The following COL4A3 variants were observed in gnomAD, a reference collection of about 807,000 sequenced individuals.
COL4A3 encodes collagen type IV alpha 3 chain, also known as collagen alpha-3(IV) chain.
COL4A3 carries 135 observed loss-of-function variants against 217.4 expected under a neutral mutation model. That is an observed-to-expected ratio of 0.62 (90% CI 0.54 to 0.72). The LOEUF (loss-of-function observed/expected upper bound fraction) is 0.72. COL4A3 is among the 30% of genes least tolerant of loss of function. The pLI is 0.00. For synonymous variants in COL4A3, 690 were observed against 736.3 expected, an observed-to-expected ratio of 0.94 and a Z score of 1.02; for missense variants, 1,868 against 2,119.9, an observed-to-expected ratio of 0.88 and a Z score of 2.33.
At chr2:227,223,469 C>T (rs2067918086) in intron 1 of COL4A3, among the ~76,000 whole-genome samples, 2 of 152,180 alleles carry the variant, frequency 1.3e-5, no homozygotes, top group Admixed American at 6.5e-5. Context: ...CACAGTGGCT[C>T]ATGCCTATAA....
chr2:227,168,399 T>C (rs1304537966), intron 1 of COL4A3, among the ~76,000 whole-genome samples: 2 of 152,234 alleles, frequency 1.3e-5, no homozygotes, highest in Non-Finnish European at 2.9e-5. Context: ...GTTTGTAAAC[T>C]TTTTTCTTTT....
rs774954940 is a variant in COL4A3, at chr2:227,250,005, C to A, written c.547-1135C>A. On this transcript the variant is annotated intron_variant, in intron 9 of 51. Coordinates refer to ENST00000396578, the MANE Select transcript of COL4A3 (RefSeq NM_000091.5). This position sits in a 1 kb window ranked among gnomAD's most constrained non-coding sequence, Gnocchi z 4.1. ...TCTAGGCTCTAGGAATACAGTAGGG[C>A]ATAAATCAGCCAAAATATAGATTTA... is the stretch of plus-strand genomic sequence containing the variant. 1.8e-4 allele frequency among the ~76,000 whole-genome samples: 27 copies of A among 152,106 alleles called. No homozygotes were observed. Among genetic ancestry groups the A allele is most frequent in the Non-Finnish European group, 3.1e-4 (21 of 68,018 alleles).
chr2:227,224,074 G>A (rs945137885), intron 1 of COL4A3, among the ~76,000 whole-genome samples: 9 of 152,198 alleles, frequency 5.9e-5, no homozygotes, highest in African/African-American at 2.2e-4. Context: ...AAGTTTGCAC[G>A]CAATCGCTCC....
chr2:227,273,484 A>T (rs2071366535), intron 26 of COL4A3, among the ~76,000 whole-genome samples: 1 of 152,170 alleles, frequency 6.6e-6, no homozygotes, highest in South Asian at 2.1e-4. Flanking sequence ...AGTTTACTGC[A>T]TCCTCAAACT....
chr2:227,179,781 A>G (rs2065810502), intron 1 of COL4A3, among the ~76,000 whole-genome samples: 1 of 152,336 alleles, frequency 6.6e-6, no homozygotes, highest in African/African-American at 2.4e-5. Flanking sequence ...GGAGTATGCA[A>G]TCAAGTGATG....
chr2:227,305,035 C>A lies in COL4A3; in HGVS notation c.4204C>A (p.Pro1402Thr), dbSNP rs199548916. 2.5e-6 allele frequency: 4 copies of A among 1,613,990 alleles called. No homozygotes were observed. Among genetic ancestry groups the A allele is most frequent in the South Asian group, 1.1e-5 (1 of 91,058 alleles). The change falls in exon 47 of 52, where the codon CCT becomes ACT. Residue 1402 changes from proline to threonine, a missense_variant. Transcript: ENST00000396578. ...AGGCAAGGATGGAAAACCAGGAACT[C>A]CTGGACCAGCTGGAGAAAAAGGCAA... The part of the protein sequence containing the change: ...KPGKDGKPGT[P>T]GPAGEKGNKG...
At chr2:227,305,332 T>C (rs771446732) in intron 47 of COL4A3, 27 of 462,142 alleles carry the variant, frequency 5.8e-5, no homozygotes, top group Non-Finnish European at 1.0e-4. Context: ...TGAGGACAAA[T>C]AGAACTAATA....
chr2:227,298,593 G>T (rs2073136996), intron 42 of COL4A3, 89 bp from the exon 43 acceptor site: 6 of 1,546,110 alleles, frequency 3.9e-6, no homozygotes, highest in Non-Finnish European at 5.3e-6. Flanking sequence ...CTAAGTGAAG[G>T]GTTTATACTT....
chr2:227,235,772 CTTT>C (rs201024233), intron 1 of COL4A3, among the ~76,000 whole-genome samples: 23,638 of 122,268 alleles, frequency 0.19, 2,345 homozygotes, highest in Non-Finnish European at 0.23. Flanking sequence ...TATTTCATTC[CTTT>C]TTTTTTTTTT....
At chr2:227,181,655 G>A (rs376618353) in intron 1 of COL4A3, among the ~76,000 whole-genome samples, 48 of 152,210 alleles carry the variant, frequency 3.2e-4, no homozygotes, top group Middle Eastern at 3.4e-3. Flanking sequence ...ATGGTATTAC[G>A]TATCCGGCTT....
At chr2:227,283,938 TTG>T in intron 33 of COL4A3, 82 bp downstream of exon 33, 1 of 1,281,880 alleles carries the variant, frequency 7.8e-7, no homozygotes, top group South Asian at 1.2e-5. Context: ...TTATGTTTCA[TTG>T]GAGGGAAAAA....
intron 1 of COL4A3, among the ~76,000 whole-genome samples, chr2:227,223,900 A>G (rs892168131): frequency 2.6e-5 from 4 of 152,198 alleles, no homozygotes; most frequent in African/African-American, 9.7e-5. Context: ...GATGTTTTGC[A>G]TAGCAGTGAG....
At chr2:227,202,925 G>A (rs868052259) in intron 1 of COL4A3, among the ~76,000 whole-genome samples, 3 of 23,184 alleles carry the variant, frequency 1.3e-4, no homozygotes, top group African/African-American at 8.9e-4. Context: ...ACATATATGT[G>A]TATATATGTG....
At chr2:227,204,616 T>C (rs921939559) in intron 1 of COL4A3, among the ~76,000 whole-genome samples, 5 of 152,208 alleles carry the variant, frequency 3.3e-5, no homozygotes, top group Admixed American at 1.3e-4. Context: ...TGAATGCCTC[T>C]GTCTTAGCTT....
chr2:227,268,627 C>T (rs1161374340), intron 23 of COL4A3: 1 of 152,236 alleles, frequency 6.6e-6, no homozygotes, highest in Non-Finnish European at 1.5e-5. Flanking sequence ...ATCCCACTCA[C>T]TTCTCCTTTA....
chr2:227,232,047 G>A (rs1396115390), intron 1 of COL4A3, among the ~76,000 whole-genome samples: 4 of 152,076 alleles, frequency 2.6e-5, no homozygotes, highest in African/African-American at 9.7e-5. Flanking sequence ...ACACATAAGT[G>A]AGAATATACA....
At chr2:227,206,667 A>G (rs113929697) in intron 1 of COL4A3, among the ~76,000 whole-genome samples, 21,800 of 152,090 alleles carry the variant, frequency 0.14, 1,687 homozygotes, top group Non-Finnish European at 0.17. Context: ...CCTGCCCCAG[A>G]CCTAATGAGT....
chr2:227,203,399 G>T lies in COL4A3; in HGVS notation c.88-34569G>T, dbSNP rs1450675303. ...TACATACATATATGTGTATATATGT[G>T]TATACATACATATATGTGTATACAT... On this transcript the variant is annotated intron_variant, in intron 1 of 51. Transcript: ENST00000396578. 6.6e-5 allele frequency among the ~76,000 whole-genome samples: 3 copies of T among 45,588 alleles called. 1 individual carries two copies. The East Asian group carries it at 1.9e-3, about 29-fold the overall frequency. 29.9% of individuals were successfully genotyped at this position (45,588 alleles called of 152,430 possible).
At chr2:227,288,641 T>C (rs2072486745) in intron 34 of COL4A3, among the ~76,000 whole-genome samples, 3 of 152,250 alleles carry the variant, frequency 2.0e-5, no homozygotes, top group Non-Finnish European at 4.4e-5. Flanking sequence ...GATAACACTT[T>C]GTCTTTACTA....
Sources: allele counts gnomAD v4.1 joint callset (sites outside exome capture counted in the v4.1 genomes callset), GRCh38; gene constraint gnomAD v4.1.1; non-coding constraint Gnocchi (gnomAD v3.1); transcripts MANE v1.5; gene names NCBI Gene and HGNC (gene_info 2026-07-23, HGNC 2026-07-21).